The following ZFAND3 variants were observed in gnomAD, a reference collection of about 807,000 sequenced individuals.
The protein encoded by ZFAND3 is AN1-type zinc finger protein 3.
In ZFAND3, 10 loss-of-function variants were observed where a neutral mutation model predicts 29.6. That is an observed-to-expected ratio of 0.34 (90% CI 0.21 to 0.57). The LOEUF is 0.57. Among genes scored for constraint, ZFAND3 ranks in the 20% least tolerant of loss-of-function variants. The pLI, the probability that ZFAND3 is intolerant of heterozygous loss-of-function variation, is 0.86. For missense variants in ZFAND3, 230 were observed against 304.5 expected (o/e 0.76, Z 1.82); for synonymous variants, 128 against 112.6 (o/e 1.14, Z -0.87).
At chr6:37,889,513 A>G (rs1765056419) in intron 1 of ZFAND3, among the ~76,000 whole-genome samples, 2 of 152,260 alleles carry the variant, frequency 1.3e-5, no homozygotes. Context: ...CCAAGTATTA[A>G]CTGCCACACT....
chr6:37,963,570 G>A (rs1762237551), intron 2 of ZFAND3, among the ~76,000 whole-genome samples: 1 of 150,986 alleles, frequency 6.6e-6, no homozygotes. Flanking sequence ...AAACAAAAGA[G>A]ACAAACCTTT....
At position 38,110,888 on chromosome 6, in the gene ZFAND3, C is replaced by T. The variant is rs1242052873; in HGVS notation, c.362-5684C>T. Among the ~76,000 whole-genome samples, 6 of 152,198 alleles carry T rather than the reference C, an allele frequency of 3.9e-5. No homozygotes were observed. In the South Asian group the frequency reaches 6.2e-4, roughly 16 times the overall value. On this transcript the variant is annotated intron_variant, in intron 4 of 5. Coordinates refer to ENST00000287218, the MANE Select transcript of ZFAND3 (RefSeq NM_021943.3). ...GGAAGCCACAGCCATGGTTAGTGCA[C>T]GGGGTGTGTGCAGGCTGCCAGCTGC...
intron 2 of ZFAND3, among the ~76,000 whole-genome samples, chr6:38,026,421 A>ATTTTTT (rs10715149): frequency 2.7e-5 from 2 of 74,832 alleles, no homozygotes; most frequent in African/African-American, 1.1e-4. Context: ...TTACTTTAGG[A>ATTTTTT]TTTTTTTTTT....
intron 2 of ZFAND3, among the ~76,000 whole-genome samples, chr6:37,976,076 G>A (rs762151898): frequency 1.6e-4 from 24 of 152,000 alleles, no homozygotes; most frequent in Non-Finnish European, 3.2e-4. Context: ...TGTTGTATAG[G>A]TCTTTCACAT....
At chr6:38,030,437 A>G (rs760525964) in intron 2 of ZFAND3, among the ~76,000 whole-genome samples, 2 of 152,110 alleles carry the variant, frequency 1.3e-5, no homozygotes, top group African/African-American at 4.8e-5. Context: ...ATATAGAGCA[A>G]TTCACACCAG....
chr6:38,144,070 C>T (rs1766016799), intron 5 of ZFAND3, among the ~76,000 whole-genome samples: 1 of 150,798 alleles, frequency 6.6e-6, no homozygotes, highest in African/African-American at 2.4e-5. Context: ...AACAAGCTTC[C>T]TTGTAACCAC....
chr6:37,830,279 C>T (rs1228755461), intron 1 of ZFAND3, among the ~76,000 whole-genome samples: 1 of 152,126 alleles, frequency 6.6e-6, no homozygotes, highest in African/African-American at 2.4e-5. Flanking sequence ...TGGGGACACA[C>T]AGAGGAAAGT....
chr6:37,975,900 G>T (rs906177619), intron 2 of ZFAND3, among the ~76,000 whole-genome samples: 1 of 152,092 alleles, frequency 6.6e-6, no homozygotes, highest in Non-Finnish European at 1.5e-5. Context: ...GCATCAGTTT[G>T]TCAGTTTCTC....
At chr6:37,861,774 C>T (rs1237808531) in intron 1 of ZFAND3, among the ~76,000 whole-genome samples, 1 of 152,172 alleles carries the variant, frequency 6.6e-6, no homozygotes, top group African/African-American at 2.4e-5. Context: ...GGTTTTCACA[C>T]TCCAAAATTT....
chr6:37,992,388 AC>A (rs1425885247), intron 2 of ZFAND3, among the ~76,000 whole-genome samples: 1 of 152,172 alleles, frequency 6.6e-6, no homozygotes, highest in Non-Finnish European at 1.5e-5. Context: ...TCCTCTATCA[AC>A]TTTATTGTTT....
rs1382435342 is a variant in ZFAND3, at chr6:38,052,104, A to G, written c.113-9489A>G. 2.6e-5 allele frequency among the ~76,000 whole-genome samples: 4 copies of G among 152,242 alleles called. No homozygotes were observed. In the South Asian group the frequency reaches 6.2e-4, roughly 24 times the overall value. On this transcript the variant is annotated intron_variant, in intron 2 of 5. Transcript: ENST00000287218. ...GTAAGTTTAATTGCTGAAAAGAGTA[A>G]GCTTTGCCAGCTTCATATATTCTCT...
intron 2 of ZFAND3, among the ~76,000 whole-genome samples, chr6:37,980,007 C>A (rs1353674904): frequency 1.3e-5 from 2 of 152,200 alleles, no homozygotes; most frequent in Non-Finnish European, 2.9e-5. Context: ...GGAGCTGCAG[C>A]TGCACAGGTT....
chr6:37,955,223 A>G (rs1404237664), intron 2 of ZFAND3, among the ~76,000 whole-genome samples: 1 of 151,880 alleles, frequency 6.6e-6, no homozygotes, highest in Non-Finnish European at 1.5e-5. Flanking sequence ...CGTTTGATAC[A>G]TTTTGGCAGT....
At chr6:38,059,638 G>A (rs1764196773) in intron 2 of ZFAND3, among the ~76,000 whole-genome samples, 1 of 152,158 alleles carries the variant, frequency 6.6e-6, no homozygotes, top group South Asian at 2.1e-4. Context: ...AGCACTTTGG[G>A]AGACTGAGGC....
At position 38,063,679 on chromosome 6, in the gene ZFAND3, T is replaced by G. The variant is rs1232715896; in HGVS notation, c.295+1904T>G. Reference sequence around the variant, plus strand: ...GTTTCTCAATGGCAAATGACTGTCTTAGGGCCATTTGTGGAAGAGAATGAA... The same window carrying G: ...GTTTCTCAATGGCAAATGACTGTCTGAGGGCCATTTGTGGAAGAGAATGAA... On this transcript the variant is annotated intron_variant, in intron 3 of 5. Coordinates refer to ENST00000287218, the MANE Select transcript of ZFAND3 (RefSeq NM_021943.3). 4.6e-5 allele frequency among the ~76,000 whole-genome samples: 7 copies of G among 152,140 alleles called. No individual in the cohort carries two copies. The East Asian group carries it at 1.3e-3, about 29-fold the overall frequency.
chr6:38,028,983 T>C (rs1272894322), intron 2 of ZFAND3, among the ~76,000 whole-genome samples: 1 of 152,218 alleles, frequency 6.6e-6, no homozygotes, highest in African/African-American at 2.4e-5. Flanking sequence ...TGTCTCTCAT[T>C]ACAGAATCAT....
At chr6:37,970,025 G>A (rs1442994658) in intron 2 of ZFAND3, among the ~76,000 whole-genome samples, 2 of 152,116 alleles carry the variant, frequency 1.3e-5, no homozygotes, top group African/African-American at 4.8e-5. Flanking sequence ...CTACTTGGGA[G>A]GCTGAGACAC....
intron 2 of ZFAND3, among the ~76,000 whole-genome samples, chr6:38,016,500 A>G (rs1359780245): frequency 6.6e-6 from 1 of 152,170 alleles, no homozygotes; most frequent in Non-Finnish European, 1.5e-5. Flanking sequence ...CCACCTACAA[A>G]CTTAATTATG....
At chr6:37,930,991 G>C (rs2749920) in intron 2 of ZFAND3, among the ~76,000 whole-genome samples, 11,770 of 150,618 alleles carry the variant, frequency 0.078, 1,230 homozygotes, top group African/African-American at 0.24. Flanking sequence ...GACTTGGCAG[G>C]GTGGATAAAC....
Sources: allele counts gnomAD v4.1 joint callset (sites outside exome capture counted in the v4.1 genomes callset), GRCh38; gene constraint gnomAD v4.1.1; transcripts MANE v1.5; gene names NCBI Gene and HGNC (gene_info 2026-07-23, HGNC 2026-07-21).